Variants in NSMCE2 observed in about 807,000 individuals in gnomAD.
The protein encoded by NSMCE2 is NSE2 SUMO ligase component of SMC5/6 complex.
NSMCE2 carries 24 observed loss-of-function variants against 23.8 expected under a neutral mutation model. That is an observed-to-expected ratio of 1.01 (90% CI 0.73 to 1.42). NSMCE2 has a LOEUF of 1.42. Ranked by LOEUF, NSMCE2 falls within the 40% of genes most tolerant of loss-of-function variation. The probability of loss-of-function intolerance (pLI) is 0.00; values close to 1 mark genes in which losing one functional copy is unlikely to be tolerated. For missense variants in NSMCE2, 284 were observed against 296.5 expected (o/e 0.96, Z 0.31); for synonymous variants, 92 against 94.1 (o/e 0.98, Z 0.13).
At chr8:125,260,341 C>A (rs753330656) in intron 5 of NSMCE2, among the ~76,000 whole-genome samples, 7 of 152,056 alleles carry the variant, frequency 4.6e-5, no homozygotes. Flanking sequence ...AAGATGAAAT[C>A]ATCTGAATAG....
intron 3 of NSMCE2, among the ~76,000 whole-genome samples, chr8:125,103,309 A>T (rs1411600665): frequency 3.3e-5 from 5 of 152,104 alleles, no homozygotes; most frequent in Non-Finnish European, 5.9e-5. Context: ...CTGTCTCAAA[A>T]AAAAAAAGAA....
Position 125,366,842 on chromosome 8 carries a change from C to A in NSMCE2, c.701C>A (p.Ala234Glu). Residue 234 changes from alanine (A) to glutamate (E), a missense_variant, in exon 8 of 8, where the codon GCA becomes GAA. Ala to Glu is a moderately radical substitution (Grantham distance 107). This residue lies in a region of NSMCE2 where 102 missense variants were observed against 141.0 expected (regional missense o/e 0.72). Coordinates refer to ENST00000287437, the MANE Select transcript of NSMCE2 (RefSeq NM_173685.4). The part of the protein sequence containing the change: ...DLIQDEALRR[A>E]IENHNKKRHR... ...ATCCAGGATGAAGCACTTAGAAGGG[C>A]AATTGAGAACCATAACAAGAAAAGA... is the stretch of plus-strand genomic sequence containing the variant. 6.2e-7 allele frequency: 1 copy of A among 1,612,572 alleles called. No individual in the cohort carries two copies. The highest frequency in any genetic ancestry group is 8.5e-7 in the Non-Finnish European group (1 of 1,178,618).
intron 3 of NSMCE2, among the ~76,000 whole-genome samples, chr8:125,146,142 T>G (rs966819821): frequency 7.9e-5 from 12 of 152,198 alleles, no homozygotes; most frequent in Non-Finnish European, 1.8e-4. Context: ...GCTAACAGAT[T>G]GCCAACGGAG....
At chr8:125,160,378 G>A (rs1821543612) in intron 4 of NSMCE2, among the ~76,000 whole-genome samples, 1 of 152,200 alleles carries the variant, frequency 6.6e-6, no homozygotes, top group African/African-American at 2.4e-5. Flanking sequence ...GAGTAGAGTG[G>A]GCAGCAGGAA....
rs67825410 is a variant in NSMCE2, at chr8:125,301,652, A to ATTT, written c.419-55549_419-55547dup. On this transcript the variant is annotated intron_variant, in intron 5 of 7. Transcript: ENST00000287437. ...AAGACATGAGTTTTCCATACAAGCCATTTTTTTTTTTTTTTTTTTTGAGAC... is the reference window on the plus strand; with the variant it reads ...AAGACATGAGTTTTCCATACAAGCCATTTTTTTTTTTTTTTTTTTTTTTGAGAC... 2.4e-3 allele frequency among the ~76,000 whole-genome samples: 265 copies of ATTT among 110,652 alleles called. 1 individual carries two copies. The highest frequency in any genetic ancestry group is 7.9e-3 in the African/African-American group (243 of 30,954). 72.6% of individuals were successfully genotyped at this position (110,652 alleles called of 152,430 possible). A position where few individuals can be genotyped will look rare whatever the true frequency, so the allele number is the denominator to read the frequency against.
At chr8:125,272,014 CTTTT>C (rs563967898) in intron 5 of NSMCE2, among the ~76,000 whole-genome samples, 1 of 130,182 alleles carries the variant, frequency 7.7e-6, no homozygotes. Flanking sequence ...CAGTTTCTTT[CTTTT>C]TTTTTTTTTT....
At chr8:125,117,959 T>C (rs1819095275) in intron 3 of NSMCE2, among the ~76,000 whole-genome samples, 1 of 152,232 alleles carries the variant, frequency 6.6e-6, no homozygotes, top group Non-Finnish European at 1.5e-5. Flanking sequence ...TTGTTAATTT[T>C]TGAACCTAAT....
intron 5 of NSMCE2, among the ~76,000 whole-genome samples, chr8:125,291,236 T>A (rs1255204211): frequency 1.3e-5 from 2 of 152,134 alleles, no homozygotes; most frequent in African/African-American, 4.8e-5. Flanking sequence ...AGACTGGAGG[T>A]GGTAATCATA....
At position 125,331,049 on chromosome 8, in the gene NSMCE2, C is replaced by T. The variant is rs977178263; in HGVS notation, c.419-26170C>T. ...GGGCGCGGTGGCTCACACCTGTAAT[C>T]CCAGCACTTTGGGAGGCTGAGGCAG... On this transcript the variant is annotated intron_variant, in intron 5 of 7. Coordinates refer to ENST00000287437, the MANE Select transcript of NSMCE2 (RefSeq NM_173685.4). Among the ~76,000 whole-genome samples the T allele has an allele frequency of 3.3e-5, 5 of 152,188 alleles. No individual in the cohort carries two copies. In the East Asian group the frequency reaches 7.7e-4, roughly 23 times the overall value.
At chr8:125,357,931 C>A in intron 7 of NSMCE2, 113 bp downstream of exon 7, 1 of 698,538 alleles carries the variant, frequency 1.4e-6, no homozygotes. Flanking sequence ...TTCCGTTCAC[C>A]TCCCGAATAC....
chr8:125,322,305 T>A (rs1187195654), intron 5 of NSMCE2, among the ~76,000 whole-genome samples: 1 of 152,088 alleles, frequency 6.6e-6, no homozygotes, highest in East Asian at 1.9e-4. Flanking sequence ...GAATTGGAGG[T>A]GACAGTGAGT....
intron 1 of NSMCE2, among the ~76,000 whole-genome samples, chr8:125,101,592 T>G (rs1311975271): frequency 3.3e-5 from 5 of 152,216 alleles, no homozygotes; most frequent in Non-Finnish European, 5.9e-5. Flanking sequence ...TGGATTGAGT[T>G]TCAAATGGCT....
At chr8:125,346,063 A>G (rs1393801360) in intron 5 of NSMCE2, among the ~76,000 whole-genome samples, 2 of 152,200 alleles carry the variant, frequency 1.3e-5, no homozygotes, top group African/African-American at 2.4e-5. Flanking sequence ...AGGCTGAGGC[A>G]GGAGAATCGC....
chr8:125,289,342 G>A (rs1828020188), intron 5 of NSMCE2, among the ~76,000 whole-genome samples: 2 of 152,130 alleles, frequency 1.3e-5, no homozygotes, highest in South Asian at 2.1e-4. Flanking sequence ...CCATCTTTGC[G>A]TTTGAACATG....
chr8:125,095,610 C>T (rs954866000), intron 1 of NSMCE2, among the ~76,000 whole-genome samples: 2 of 150,116 alleles, frequency 1.3e-5, no homozygotes, highest in East Asian at 2.0e-4. Context: ...AAAAGAAAAC[C>T]GAGGCCAGGG....
chr8:125,214,773 A>G (rs945717417), intron 5 of NSMCE2, among the ~76,000 whole-genome samples: 2 of 152,074 alleles, frequency 1.3e-5, no homozygotes, highest in African/African-American at 4.8e-5. Context: ...CCCATTTTTT[A>G]CATTAGGTTT....
intron 7 of NSMCE2, among the ~76,000 whole-genome samples, chr8:125,361,749 A>T (rs2129645669): frequency 6.6e-6 from 1 of 152,328 alleles, no homozygotes; most frequent in African/African-American, 2.4e-5. Context: ...CGAGGCTGAT[A>T]GAGTTGTTAT....
At chr8:125,318,805 G>T (rs528940852) in intron 5 of NSMCE2, among the ~76,000 whole-genome samples, 28 of 152,326 alleles carry the variant, frequency 1.8e-4, no homozygotes, top group African/African-American at 6.5e-4. Flanking sequence ...TTACTATTGA[G>T]AGAGTTTTCA....
intron 5 of NSMCE2, among the ~76,000 whole-genome samples, chr8:125,303,160 A>G (rs979203229): frequency 6.6e-6 from 1 of 152,328 alleles, no homozygotes; most frequent in Admixed American, 6.5e-5. Flanking sequence ...AGACCAGAAA[A>G]TGAGGCAGCT....
Sources: gnomAD v4.1 joint callset for allele counts (sites outside exome capture counted in the v4.1 genomes callset) on GRCh38, gnomAD v4.1.1 for gene constraint, gnomAD v4.1.1 regional missense constraint, MANE v1.5 for transcripts, NCBI Gene and HGNC (gene_info 2026-07-23, HGNC 2026-07-21) for gene names.